MAPK10: variants seen among roughly 807,000 people sequenced by gnomAD.
MAPK10 encodes the protein JNK3 alpha protein kinase.
A neutral mutation model predicts 59.3 loss-of-function variants in MAPK10; 25 were observed. The ratio of observed to expected loss-of-function variants is 0.42; its 90% CI spans 0.31 to 0.59. The LOEUF is 0.59. Ranked by LOEUF, MAPK10 falls within the 20% of genes least tolerant of loss-of-function variation. MAPK10 has a pLI of 0.15. For synonymous variants in MAPK10, 190 were observed against 200.5 expected (o/e 0.95, Z 0.44); for missense variants, 351 against 568.9 (o/e 0.62, Z 3.90).
chr4:86,192,793 C>A (rs1198529964), intron 3 of MAPK10: 2 of 152,110 alleles, frequency 1.3e-5, no homozygotes, highest in Non-Finnish European at 2.9e-5. Context: ...CAAACTCATT[C>A]TCCATCCAGC....
chr4:86,443,412 A>C (rs779006433), intron 1 of MAPK10, among the ~76,000 whole-genome samples: 1 of 151,706 alleles, frequency 6.6e-6, no homozygotes, highest in African/African-American at 2.4e-5. Flanking sequence ...AAGCCAAAAT[A>C]TCCAACTCCC....
upstream of MAPK10, among the ~76,000 whole-genome samples, chr4:86,362,784 C>T (rs1277365924): frequency 6.6e-6 from 1 of 152,070 alleles, no homozygotes; most frequent in Non-Finnish European, 1.5e-5. Context: ...ATTAAAAAGA[C>T]TAACATCATC....
chr4:86,074,657 C>A (rs12648064), intron 9 of MAPK10, among the ~76,000 whole-genome samples: 1 of 134,608 alleles, frequency 7.4e-6, no homozygotes, highest in African/African-American at 2.9e-5. Context: ...TTATGAAGCT[C>A]AGTTTGGCCT....
intron 1 of MAPK10, among the ~76,000 whole-genome samples, chr4:86,373,478 C>A (rs984973588): frequency 1.3e-5 from 2 of 152,158 alleles, no homozygotes; most frequent in African/African-American, 4.8e-5. Flanking sequence ...AGGCAACCTA[C>A]AGAATGGGAG....
At chr4:86,587,475 C>G (rs571134181) in intron 1 of MAPK10, among the ~76,000 whole-genome samples, 1 of 152,340 alleles carries the variant, frequency 6.6e-6, no homozygotes, top group African/African-American at 2.4e-5. Context: ...TATTGCCTCA[C>G]AAAGTCTTCC....
intron 2 of MAPK10, among the ~76,000 whole-genome samples, chr4:86,257,655 C>T (rs1159338911): frequency 6.6e-6 from 1 of 152,042 alleles, no homozygotes; most frequent in Non-Finnish European, 1.5e-5. Context: ...TATTTATTAC[C>T]CACCTCCGCT....
chr4:86,421,098 A>AC, intron 1 of MAPK10, among the ~76,000 whole-genome samples: 1 of 152,052 alleles, frequency 6.6e-6, no homozygotes. Flanking sequence ...AAAAAAAAAA[A>AC]ATTTACATAT....
chr4:86,351,072 C>A (rs528809557), intron 2 of MAPK10, among the ~76,000 whole-genome samples: 1 of 152,102 alleles, frequency 6.6e-6, no homozygotes, highest in South Asian at 2.1e-4. Context: ...GCTTCCATAT[C>A]TTTAAAAAAA....
intron 4 of MAPK10, among the ~76,000 whole-genome samples, chr4:86,156,432 A>C (rs759151270): frequency 7.9e-5 from 12 of 151,936 alleles, no homozygotes; most frequent in Non-Finnish European, 1.3e-4. Flanking sequence ...ATCTTGCAAA[A>C]TTGAATTGTG....
At chr4:86,495,951 C>T (rs1412089159) in intron 1 of MAPK10, among the ~76,000 whole-genome samples, 1 of 151,992 alleles carries the variant, frequency 6.6e-6, no homozygotes, top group Non-Finnish European at 1.5e-5. Context: ...CAAGTTTTAC[C>T]AAAAACTTAT....
intron 2 of MAPK10, among the ~76,000 whole-genome samples, chr4:86,331,256 G>T (rs890052708): frequency 2.0e-5 from 3 of 152,140 alleles, no homozygotes; most frequent in Non-Finnish European, 2.9e-5. Flanking sequence ...ATAAGAGTCA[G>T]AAAAATGGTC....
At chr4:86,273,090 T>C (rs1294410542) in intron 2 of MAPK10, among the ~76,000 whole-genome samples, 2 of 152,102 alleles carry the variant, frequency 1.3e-5, no homozygotes, top group Non-Finnish European at 2.9e-5. Context: ...CAACATTTAA[T>C]TATGGAATCT....
At chr4:86,320,788 C>T (rs1037855300) in intron 2 of MAPK10, among the ~76,000 whole-genome samples, 10 of 151,978 alleles carry the variant, frequency 6.6e-5, no homozygotes, top group South Asian at 2.1e-4. Context: ...TTATGGTTTT[C>T]GGTCTAACGT....
At chr4:86,221,053 C>G (rs1389418994) in intron 2 of MAPK10, among the ~76,000 whole-genome samples, 1 of 152,212 alleles carries the variant, frequency 6.6e-6, no homozygotes, top group Non-Finnish European at 1.5e-5. Flanking sequence ...GTCCACTGAG[C>G]TAGCCCACAG....
chr4:86,464,192 C>T (rs544024299), intron 1 of MAPK10, among the ~76,000 whole-genome samples: 12 of 152,280 alleles, frequency 7.9e-5, no homozygotes, highest in South Asian at 6.2e-4. Flanking sequence ...TTTCTTAAAA[C>T]GAAACTGTTT....
Position 86,149,880 on chromosome 4 carries a change from G to T in MAPK10, c.236+9418C>A, listed in dbSNP as rs558462854. Among the ~76,000 whole-genome samples the T allele has an allele frequency of 3.0e-4, 46 of 152,194 alleles. 1 individual carries two copies. The highest frequency in any genetic ancestry group is 1.1e-3 in the African/African-American group (46 of 41,514). ...GGCCTTTCACAGCCCTCAGTATGTTGGCCAGTCCATCCCATTCCAAACGAG... is the reference window on the plus strand; with the variant it reads ...GGCCTTTCACAGCCCTCAGTATGTTTGCCAGTCCATCCCATTCCAAACGAG... On this transcript the variant is annotated intron_variant, in intron 4 of 13. Coordinates refer to ENST00000641462, the MANE Select transcript of MAPK10 (RefSeq NM_138982.4).
chr4:86,108,681 T>C (rs2056953831), intron 4 of MAPK10, among the ~76,000 whole-genome samples: 1 of 152,180 alleles, frequency 6.6e-6, no homozygotes, highest in South Asian at 2.1e-4. Context: ...TTTCTATTGT[T>C]CGGCAGCTTT....
At chr4:86,419,399 A>T (rs1403467272) in intron 1 of MAPK10, among the ~76,000 whole-genome samples, 1 of 152,214 alleles carries the variant, frequency 6.6e-6, no homozygotes, top group African/African-American at 2.4e-5. Flanking sequence ...CTATGGCATG[A>T]TGTGTATATA....
upstream of MAPK10, among the ~76,000 whole-genome samples, chr4:86,363,163 T>C (rs549977142): frequency 1.3e-5 from 2 of 152,188 alleles, no homozygotes; most frequent in South Asian, 2.1e-4. Context: ...GAATAAAAGA[T>C]AACACACAGA....
Sources: allele counts gnomAD v4.1 joint callset (sites outside exome capture counted in the v4.1 genomes callset), GRCh38; gene constraint gnomAD v4.1.1; transcripts MANE v1.5; gene names NCBI Gene and HGNC (gene_info 2026-07-23, HGNC 2026-07-21).